Variants in SRA1 observed in about 807,000 individuals in gnomAD.
SRA1 encodes lncRNA SRA.
SRA1 carries 25 observed loss-of-function variants against 24.3 expected under a neutral mutation model. That is an observed-to-expected ratio of 1.03 (90% CI 0.75 to 1.43). The LOEUF is 1.43. Among genes scored for constraint, SRA1 ranks in the 40% most tolerant of loss-of-function variants. SRA1 has a pLI of 0.00. For synonymous variants in SRA1, 104 were observed against 109.5 expected (o/e 0.95, Z 0.31); for missense variants, 303 against 286.6 (o/e 1.06, Z -0.41).
At chr5:140,555,866 C>G (rs1754680918) in intron 2 of SRA1, among the ~76,000 whole-genome samples, 1 of 152,148 alleles carries the variant, frequency 6.6e-6, no homozygotes, top group Non-Finnish European at 1.5e-5. Flanking sequence ...CCATCCAACT[C>G]CTACCACCCT....
Position 140,552,180 on chromosome 5 carries a change from G to A in SRA1, c.156C>T (p.Pro52=), listed in dbSNP as rs768937714. 14 of 1,564,804 alleles carry A rather than the reference G, an allele frequency of 8.9e-6. No individual in the cohort carries two copies. Among genetic ancestry groups the A allele is most frequent in the Admixed American group, 1.9e-5 (1 of 52,154 alleles). Residue 52 remains proline (P), a synonymous_variant, in exon 3 of 5, where the codon CCC becomes CCT. Coordinates refer to ENST00000336283, the MANE Select transcript of SRA1 (RefSeq NM_001035235.4). ...GAGGCCCAGGAGAAGTCTCTGATGC[G>A]GGGACTGAAAAGGTACAGCAGGATC... The part of the protein sequence containing the change: ...AAPQDGSPRV[P]ASETSPGPPP...
upstream of SRA1, chr5:140,557,698 T>A (rs1002166066): frequency 3.4e-6 from 2 of 580,444 alleles, no homozygotes; most frequent in Non-Finnish European, 6.1e-6. Context: ...CAGGAGCCAG[T>A]GCTCTAGGAG....
Position 140,550,803 on chromosome 5 carries a change from G to A in SRA1, c.572C>T (p.Ala191Val). ...CTCTGAAAACAGACTCCTCTTTTCT[G>A]CAATTAATCTTTTAACTCCTACCAT... ...QWMVGVKRLI[A>V]EKRSLFSEEA... Residue 191 changes from alanine to valine, a missense_variant, in exon 5 of 5, where the codon GCA becomes GTA. Transcript: ENST00000336283. The A allele has an allele frequency of 6.2e-7, 1 of 1,614,130 alleles. No individual in the cohort carries two copies. Among genetic ancestry groups the A allele is most frequent in the African/African-American group, 1.3e-5 (1 of 75,024 alleles).
chr5:140,550,154 C>T lies in SRA1; in HGVS notation c.*546G>A, dbSNP rs965184350. 2 of 154,894 alleles carry T rather than the reference C, an allele frequency of 1.3e-5. No individual in the cohort carries two copies. Among genetic ancestry groups the T allele is most frequent in the Non-Finnish European group, 2.9e-5 (2 of 69,834 alleles). 9.6% of individuals were successfully genotyped at this position (154,894 alleles called of 1,614,324 possible). Reference sequence around the variant, plus strand: ...TTTCTCCTTCGATTTACACAGAAAACCCCACTCAATGTGGTTCTAATCTCT... The same window carrying T: ...TTTCTCCTTCGATTTACACAGAAAATCCCACTCAATGTGGTTCTAATCTCT... On this transcript the variant is annotated 3_prime_UTR_variant, in exon 5 of 5. Transcript: ENST00000336283.
At chr5:140,554,947 C>T (rs1023172258) in intron 2 of SRA1, among the ~76,000 whole-genome samples, 5 of 151,536 alleles carry the variant, frequency 3.3e-5, no homozygotes, top group African/African-American at 4.9e-5. Context: ...GGTGCGATCT[C>T]GGCTCACTGC....
intron 1 of SRA1, 73 bp downstream of exon 1, chr5:140,557,355 A>C: frequency 1.2e-6 from 2 of 1,603,670 alleles, no homozygotes; most frequent in Non-Finnish European, 1.7e-6. Context: ...GAGGGTCCAT[A>C]CTAAGCGCCG....
intron 2 of SRA1, among the ~76,000 whole-genome samples, chr5:140,553,398 GAT>G (rs1754615214): frequency 6.6e-6 from 1 of 152,152 alleles, no homozygotes; most frequent in African/African-American, 2.4e-5. Flanking sequence ...TACCGGATGA[GAT>G]AGATGCAGCT....
At position 140,552,756 on chromosome 5, in the gene SRA1, G is replaced by A. The variant is rs1237131785; in HGVS notation, c.152-572C>T. Among the ~76,000 whole-genome samples, 5 of 152,062 alleles carry A rather than the reference G, an allele frequency of 3.3e-5. 1 individual carries two copies. The highest frequency in any genetic ancestry group is 1.2e-4 in the African/African-American group (5 of 41,488). On this transcript the variant is annotated intron_variant, in intron 2 of 4. Transcript: ENST00000336283. ...AGGCCAAGGTAGGAAGATCACCTGA[G>A]CTCAGGAGTTCAAAACCAGCCTACG...
In SRA1 at chr5:140,557,163, C is replaced by A. The variant is rs751585477; in HGVS notation, c.135G>T (p.Gln45His). ...SLLTKRVAAP[Q>H]DGSPRVPASE... ...CCCACGCACCTCTGGGGGATCCATC[C>A]TGGGGTGCGGCGACCCTCTTGGTAA... Residue 45 changes from glutamine to histidine, a missense_variant, in exon 2 of 5, where the codon CAG (glutamine) becomes CAT (histidine). Gln to His is a conservative substitution (Grantham distance 24). Coordinates refer to ENST00000336283, the MANE Select transcript of SRA1 (RefSeq NM_001035235.4). 5.4e-5 allele frequency: 86 copies of A among 1,605,420 alleles called. No homozygotes were observed. In the Middle Eastern group the frequency reaches 1.0e-3, roughly 19 times the overall value.
At chr5:140,554,716 C>T (rs981974102) in intron 2 of SRA1, among the ~76,000 whole-genome samples, 46 of 152,176 alleles carry the variant, frequency 3.0e-4, no homozygotes, top group African/African-American at 1.1e-3. Context: ...CAGATACTGT[C>T]CCATTTCTTA....
intron 3 of SRA1, 78 bp from the exon 4 acceptor site, chr5:140,551,247 G>A: frequency 9.2e-7 from 1 of 1,082,630 alleles, no homozygotes; most frequent in South Asian, 1.3e-5. Flanking sequence ...GCACCACATA[G>A]GAAGCACCTG....
rs1035125500 is a variant in SRA1, at chr5:140,557,043, T to G, written c.151+104A>C. ...ACTGGAGCCCCAAAACTTCTCTCCT[T>G]AAGGAGCCCTCGGGGAGAGAAAAAA... On this transcript the variant is annotated intron_variant, in intron 2 of 4. Transcript: ENST00000336283. 2.3e-5 allele frequency: 26 copies of G among 1,125,534 alleles called. No individual in the cohort carries two copies. In the African/African-American group the frequency reaches 3.6e-4, roughly 16 times the overall value. 69.7% of individuals were successfully genotyped at this position (1,125,534 alleles called of 1,614,324 possible).
chr5:140,554,831 CT>C (rs1754648321), intron 2 of SRA1, among the ~76,000 whole-genome samples: 1 of 152,194 alleles, frequency 6.6e-6, no homozygotes, highest in East Asian at 1.9e-4. Flanking sequence ...ACTGCAGAGA[CT>C]TGCTCTTGTT....
chr5:140,553,447 A>G (rs1239341785), intron 2 of SRA1, among the ~76,000 whole-genome samples: 1 of 152,268 alleles, frequency 6.6e-6, no homozygotes, highest in Non-Finnish European at 1.5e-5. Flanking sequence ...GGTCGAGGTT[A>G]GAGCAGTGCC....
chr5:140,557,540 G>C (rs115037218), upstream of SRA1: 3,232 of 1,464,200 alleles, frequency 2.2e-3, 64 homozygotes, highest in African/African-American at 0.04. Flanking sequence ...AGGGCCAGGC[G>C]GGTTGCCGGA....
At position 140,550,220 on chromosome 5, in the gene SRA1, CTG is replaced by C. The variant is rs1044113585; in HGVS notation, c.*478_*479del. 1.6e-5 allele frequency: 3 copies of C among 186,006 alleles called. No individual in the cohort carries two copies. The highest frequency in any genetic ancestry group is 7.1e-5 in the African/African-American group (3 of 42,324). The allele number at this position is 186,006 out of a possible 1,614,324, so 11.5% of individuals were successfully genotyped here. A position where few individuals can be genotyped will look rare whatever the true frequency, so the allele number is the denominator to read the frequency against. On this transcript the variant is annotated 3_prime_UTR_variant, in exon 5 of 5. Coordinates refer to ENST00000336283, the MANE Select transcript of SRA1 (RefSeq NM_001035235.4). The stretch of plus-strand genomic sequence containing the variant: ...CAAGGGTGATACAGTGCAAATAGGA[CTG>C]TCTTTCCTTTTGTTGAGGGAAAAGT...
At chr5:140,554,173 T>G (rs2127119388) in intron 2 of SRA1, among the ~76,000 whole-genome samples, 1 of 152,256 alleles carries the variant, frequency 6.6e-6, no homozygotes, top group Admixed American at 6.5e-5. Flanking sequence ...ATCACCCCCT[T>G]ATAAATATTT....
At chr5:140,551,900 C>T (rs1427280956) in intron 3 of SRA1, 82 bp downstream of exon 3, 1 of 1,305,514 alleles carries the variant, frequency 7.7e-7, no homozygotes, top group Admixed American at 1.9e-5. Flanking sequence ...TCCACTGGGT[C>T]AGAGGGTCTA....
intron 2 of SRA1, among the ~76,000 whole-genome samples, chr5:140,554,606 GCAT>G (rs962465554): frequency 6.6e-6 from 1 of 152,032 alleles, no homozygotes; most frequent in Non-Finnish European, 1.5e-5. Context: ...ATCTTCTCTT[GCAT>G]CATCAGCTCC....
Sources: gnomAD v4.1 joint callset for allele counts (sites outside exome capture counted in the v4.1 genomes callset) on GRCh38, gnomAD v4.1.1 for gene constraint, MANE v1.5 for transcripts, NCBI Gene and HGNC (gene_info 2026-07-23, HGNC 2026-07-21) for gene names.